Variants in TAGAP observed in about 807,000 individuals in gnomAD.
TAGAP encodes the protein T-cell activation Rho GTPase-activating protein.
A neutral mutation model predicts 36.0 loss-of-function variants in TAGAP; 16 were observed. The observed-to-expected ratio is 0.44, with a 90% CI of 0.30 to 0.68. The LOEUF (loss-of-function observed/expected upper bound fraction) is 0.68, where lower values mean the gene tolerates loss of function less well. TAGAP is among the 30% of genes least tolerant of loss of function. The pLI, the probability that TAGAP is intolerant of heterozygous loss-of-function variation, is 0.09. For missense variants in TAGAP, 794 were observed against 921.5 expected, an observed-to-expected ratio of 0.86 and a Z score of 1.79; for synonymous variants, 372 against 377.4, an observed-to-expected ratio of 0.99 and a Z score of 0.17.
Position 159,036,918 on chromosome 6 carries a change from G to C in TAGAP, c.1105C>G (p.Leu369Val). 6.2e-7 allele frequency: 1 copy of C among 1,613,922 alleles called. No homozygotes were observed. Among genetic ancestry groups the C allele is most frequent in the Non-Finnish European group, 8.5e-7 (1 of 1,179,814 alleles). ...GAGTATCTCCTATCGGGCTGTGCGA[G>C]GGAGCTTTTCAGCCTGGCCACGGTG... Reference protein sequence around the residue: ...VSTVARLKSSLAQPDRRYSEP... With the variant: ...VSTVARLKSSVAQPDRRYSEP... Residue 369 changes from leucine to valine, a missense_variant, in exon 10 of 10, where the codon CTC becomes GTC. Transcript: ENST00000367066. The surrounding 1 kb of genome is among the most constrained non-coding windows in gnomAD (Gnocchi z 4.9).
Position 159,038,155 on chromosome 6 carries a change from C to A in TAGAP, c.857G>T (p.Ser286Ile). The part of the protein sequence containing the change: ...IFGENIPVHS[S>I]ITSDDSLEHT... ...CTCCAGGGAGTCATCAGAAGTGATA[C>A]TGGAATGCACTGGAATGTTCTCCCC... Residue 286 changes from serine to isoleucine, a missense_variant, in exon 9 of 10, where the codon AGT (serine) becomes ATT (isoleucine). By Grantham distance (142) the Ser-to-Ile change is moderately radical (BLOSUM62 -2). Transcript: ENST00000367066. The A allele has an allele frequency of 1.9e-6, 3 of 1,613,170 alleles. No individual in the cohort carries two copies. Among genetic ancestry groups the A allele is most frequent in the African/African-American group, 1.3e-5 (1 of 74,906 alleles).
chr6:159,038,875 T>A, intron 8 of TAGAP: 1 of 1,371,750 alleles, frequency 7.3e-7, no homozygotes, highest in Non-Finnish European at 9.4e-7. Flanking sequence ...CGGGAGAGAG[T>A]GATGTAAATA....
Position 159,043,590 on chromosome 6 carries a change from A to G in TAGAP, c.147T>C (p.Ile49=). ...CESEDSICQL[I]EVKKRKKVLS... ...GATCGGTATGTTTTTAAAACTCACC[A>G]ATGAGCTGGCAAATACTGTCTTCAC... is the stretch of plus-strand genomic sequence containing the variant. The change falls in exon 4 of 10, where the codon ATT becomes ATC. Residue 49 remains isoleucine, a splice_region_variant and synonymous_variant. Transcript: ENST00000367066. 1.2e-6 allele frequency: 2 copies of G among 1,614,052 alleles called. No individual in the cohort carries two copies. Among genetic ancestry groups the G allele is most frequent in the Non-Finnish European group, 1.7e-6 (2 of 1,179,900 alleles).
At position 159,035,587 on chromosome 6, in the gene TAGAP, T is replaced by C; in HGVS notation, c.*240A>G. On this transcript the variant is annotated 3_prime_UTR_variant, in exon 10 of 10. Transcript: ENST00000367066. ...GTGTGCAGGGATTATTAGACATCCT[T>C]TGCACCTAACACCTTATCTATAATA... The C allele has an allele frequency of 2.4e-6, 1 of 420,538 alleles. No individual in the cohort carries two copies. The highest frequency in any genetic ancestry group is 4.3e-6 in the Non-Finnish European group (1 of 232,988). 26.1% of individuals were successfully genotyped at this position (420,538 alleles called of 1,614,324 possible).
chr6:159,039,746 A>C (rs1779680780), intron 7 of TAGAP, among the ~76,000 whole-genome samples: 4 of 152,244 alleles, frequency 2.6e-5, no homozygotes, highest in Admixed American at 1.3e-4. Context: ...TACCAAACGA[A>C]GATGACACAT....
intron 7 of TAGAP, among the ~76,000 whole-genome samples, 179 bp from the exon 8 acceptor site, chr6:159,039,488 G>C (rs1779672035): frequency 6.6e-6 from 1 of 152,202 alleles, no homozygotes; most frequent in African/African-American, 2.4e-5. Context: ...AGTGAGACTG[G>C]TTAACCACAA....
rs1461318901 is a variant in TAGAP, at chr6:159,034,705, T to A, written c.*1122A>T. 1 of 152,106 alleles carries A rather than the reference T, an allele frequency of 6.6e-6. No homozygotes were observed. Among genetic ancestry groups the A allele is most frequent in the Non-Finnish European group, 1.5e-5 (1 of 68,004 alleles). The allele number at this position is 152,106 out of a possible 1,614,324, so 9.4% of individuals were successfully genotyped here. ...AGTTTAATTCACTAGAAATGAGAAA[T>A]TTTACATTTGTTATATTATCCTGTA... On this transcript the variant is annotated 3_prime_UTR_variant, in exon 10 of 10. Coordinates refer to ENST00000367066, the MANE Select transcript of TAGAP (RefSeq NM_054114.5).
At chr6:159,042,982 CTTCT>C (rs963607334) in intron 4 of TAGAP, 4 of 152,732 alleles carry the variant, frequency 2.6e-5, no homozygotes, top group Admixed American at 2.0e-4. Flanking sequence ...CAAACATTTC[CTTCT>C]TTCTTTTCTT....
At chr6:159,042,655 C>A (rs537410329) in intron 4 of TAGAP, 3 of 159,706 alleles carry the variant, frequency 1.9e-5, no homozygotes, top group East Asian at 3.7e-4. Flanking sequence ...CTTTAACTGG[C>A]GAAGAAAACG....
At chr6:159,038,669 C>T (rs547560236) in intron 8 of TAGAP, among the ~76,000 whole-genome samples, 4 of 152,214 alleles carry the variant, frequency 2.6e-5, no homozygotes, top group Admixed American at 6.5e-5. Flanking sequence ...AGATTTCAGA[C>T]GTGAGCCACC....
intron 8 of TAGAP, 42 bp downstream of exon 8, chr6:159,039,072 A>C: frequency 1.2e-6 from 2 of 1,611,366 alleles, no homozygotes. Flanking sequence ...ACAGATGGTG[A>C]GATCATAAGT....
rs16889418 is a variant in TAGAP at position 159,040,906 on chromosome 6, C to A, written c.478-74G>T. Reference sequence around the variant, plus strand: ...CATGTCCTTGTTTTCACCCGGTTTTCGTTCCATCGCAGGGTGCTCTATGCT... The same window carrying A: ...CATGTCCTTGTTTTCACCCGGTTTTAGTTCCATCGCAGGGTGCTCTATGCT... On this transcript the variant is annotated intron_variant, in intron 6 of 9. Coordinates refer to ENST00000367066, the MANE Select transcript of TAGAP (RefSeq NM_054114.5). 8 of 1,180,276 alleles carry A rather than the reference C, an allele frequency of 6.8e-6. No individual in the cohort carries two copies. In the African/African-American group the frequency reaches 1.1e-4, roughly 15 times the overall value. The allele number at this position is 1,180,276 out of a possible 1,614,324, so 73.1% of individuals were successfully genotyped here.
rs888753005 is a variant in TAGAP, at chr6:159,043,962, A to C, written c.81+16T>G. The C allele has an allele frequency of 1.2e-6, 2 of 1,610,380 alleles. No homozygotes were observed. Among genetic ancestry groups the C allele is most frequent in the Non-Finnish European group, 1.7e-6 (2 of 1,177,574 alleles). On this transcript the variant is annotated intron_variant, in intron 3 of 9. Transcript: ENST00000367066. ...CTCACAGTACAGATAAAAAGTCTTA[A>C]AAATTGCTTTCTTACCTCTGATTGA...
chr6:159,036,398 C>G lies in TAGAP; in HGVS notation c.1625G>C (p.Gly542Ala). 6.2e-7 allele frequency: 1 copy of G among 1,614,158 alleles called. No homozygotes were observed. Among genetic ancestry groups the G allele is most frequent in the Non-Finnish European group, 8.5e-7 (1 of 1,180,028 alleles). ...GGCAAGCTGGCTTTCCTTTCTGACACCCCTCGGGACGTGGTCCCTGGTAAA... is the reference window on the plus strand; with the variant it reads ...GGCAAGCTGGCTTTCCTTTCTGACAGCCCTCGGGACGTGGTCCCTGGTAAA... ...QDFTRDHVPR[G>A]VRKESQLAGR... Residue 542 changes from glycine to alanine, a missense_variant, in exon 10 of 10, where the codon GGT becomes GCT. Gly to Ala is a moderately conservative substitution (Grantham distance 60). Coordinates refer to ENST00000367066, the MANE Select transcript of TAGAP (RefSeq NM_054114.5). This position sits in a 1 kb window ranked among gnomAD's most constrained non-coding sequence, Gnocchi z 4.9.
chr6:159,035,839 T>C lies in TAGAP; in HGVS notation c.2184A>G (p.Glu728=). 1 of 1,598,782 alleles carries C rather than the reference T, an allele frequency of 6.3e-7. No homozygotes were observed. The highest frequency in any genetic ancestry group is 8.6e-7 in the Non-Finnish European group (1 of 1,167,576). ...FEADQFQYAK[E]SYI ...TATGGCCTCCCTCCTAAATATACGA[T>C]TCTTTGGCATATTGGAATTGGTCAG... is the stretch of plus-strand genomic sequence containing the variant. The change falls in exon 10 of 10, where the codon GAA becomes GAG. Residue 728 remains glutamate (E), a synonymous_variant. Coordinates refer to ENST00000367066, the MANE Select transcript of TAGAP (RefSeq NM_054114.5).
rs1233297692 is a variant in TAGAP, at chr6:159,044,968, A to G, written c.-148T>C. 1 of 398,406 alleles carries G rather than the reference A, an allele frequency of 2.5e-6. No individual in the cohort carries two copies. The highest frequency in any genetic ancestry group is 4.4e-6 in the Non-Finnish European group (1 of 226,028). 24.7% of individuals were successfully genotyped at this position (398,406 alleles called of 1,614,324 possible). On this transcript the variant is annotated 5_prime_UTR_variant, in exon 1 of 10. Transcript: ENST00000367066. ...CATAACTCTCTGCTCCTTCTAGTCC[A>G]CTGGGAGAGAGAGAGACCGAGCCGG...
chr6:159,037,026 G>C lies in TAGAP; in HGVS notation c.997C>G (p.Gln333Glu). 6.2e-7 allele frequency: 1 copy of C among 1,613,698 alleles called. No individual in the cohort carries two copies. Among genetic ancestry groups the C allele is most frequent in the Non-Finnish European group, 8.5e-7 (1 of 1,180,036 alleles). The change falls in exon 10 of 10, where the codon CAG (glutamine) becomes GAG (glutamate). Residue 333 changes from glutamine to glutamate, a missense_variant. Coordinates refer to ENST00000367066, the MANE Select transcript of TAGAP (RefSeq NM_054114.5). The surrounding 1 kb of genome is among the most constrained non-coding windows in gnomAD (Gnocchi z 5.1). Reference protein sequence around the residue: ...SGISSPSRQPQVPMATAAGLD... With the variant: ...SGISSPSRQPEVPMATAAGLD... ...CCAGCAGCTGTGGCCATGGGCACCTGGGGCTGCCTGCTGGGAGAGCTGATG... is the reference window on the plus strand; with the variant it reads ...CCAGCAGCTGTGGCCATGGGCACCTCGGGCTGCCTGCTGGGAGAGCTGATG...
chr6:159,036,303 G>A lies in TAGAP; in HGVS notation c.1720C>T (p.His574Tyr). ...AACACATCATCCACCGAGAGGGCGTGGGGTCTCAGGCAGAAGCCGCGGGCT... is the reference window on the plus strand; with the variant it reads ...AACACATCATCCACCGAGAGGGCGTAGGGTCTCAGGCAGAAGCCGCGGGCT... Reference protein sequence around the residue: ...QTARGFCLRPHALSVDDVFQG... With the variant: ...QTARGFCLRPYALSVDDVFQG... The change falls in exon 10 of 10, where the codon CAC becomes TAC. Residue 574 changes from histidine to tyrosine, a missense_variant. His to Tyr is a moderately conservative substitution (Grantham distance 83). Coordinates refer to ENST00000367066, the MANE Select transcript of TAGAP (RefSeq NM_054114.5). The surrounding 1 kb of genome is among the most constrained non-coding windows in gnomAD (Gnocchi z 4.9). The A allele has an allele frequency of 1.2e-6, 2 of 1,613,578 alleles. No individual in the cohort carries two copies. Among genetic ancestry groups the A allele is most frequent in the South Asian group, 2.2e-5 (2 of 91,050 alleles).
Position 159,041,194 on chromosome 6 carries a change from G to C in TAGAP, c.477+160C>G. ...GGAATCTGAGGTCACAGAAACAGAG[G>C]TGCTTACTAAATAAATAAATAAAGG... On this transcript the variant is annotated intron_variant, in intron 6 of 9. Coordinates refer to ENST00000367066, the MANE Select transcript of TAGAP (RefSeq NM_054114.5). The surrounding 1 kb of genome is among the most constrained non-coding windows in gnomAD (Gnocchi z 4.1). The C allele has an allele frequency of 1.1e-6, 1 of 876,368 alleles. No individual in the cohort carries two copies. The highest frequency in any genetic ancestry group is 1.7e-6 in the Non-Finnish European group (1 of 581,876). The allele number at this position is 876,368 out of a possible 1,614,324, so 54.3% of individuals were successfully genotyped here. A position where few individuals can be genotyped will look rare whatever the true frequency, so the allele number is the denominator to read the frequency against.
Sources: gnomAD v4.1 joint callset for allele counts (sites outside exome capture counted in the v4.1 genomes callset) on GRCh38, gnomAD v4.1.1 for gene constraint, Gnocchi (gnomAD v3.1) non-coding constraint, MANE v1.5 for transcripts, NCBI Gene and HGNC (gene_info 2026-07-23, HGNC 2026-07-21) for gene names.